Variants in AGBL4 observed in about 807,000 individuals in gnomAD.
AGBL4 encodes cytosolic carboxypeptidase 6.
In AGBL4, 58 loss-of-function variants were observed where a neutral mutation model predicts 66.4. The observed-to-expected ratio is 0.87, with a 90% CI of 0.71 to 1.09. The LOEUF (loss-of-function observed/expected upper bound fraction) is 1.09, where lower values mean the gene tolerates loss of function less well. Ranked by LOEUF, AGBL4 falls within the 50% of genes least tolerant of loss-of-function variation. AGBL4 has a pLI of 0.00. For missense variants in AGBL4, 579 were observed against 631.0 expected (o/e 0.92, Z 0.88); for synonymous variants, 234 against 222.9 (o/e 1.05, Z -0.44).
chr1:49,097,043 C>T (rs1220056197), intron 4 of AGBL4, among the ~76,000 whole-genome samples: 1 of 152,130 alleles, frequency 6.6e-6, no homozygotes, highest in African/African-American at 2.4e-5. Context: ...TCATAAGTCT[C>T]ATAGTAAACT....
At chr1:48,754,156 T>A (rs1247093128) in intron 6 of AGBL4, among the ~76,000 whole-genome samples, 1 of 152,174 alleles carries the variant, frequency 6.6e-6, no homozygotes, top group Non-Finnish European at 1.5e-5. Flanking sequence ...GAGGACACCG[T>A]AGCCTTGGAC....
At chr1:49,755,212 C>G (rs1651801257) in intron 2 of AGBL4, among the ~76,000 whole-genome samples, 1 of 152,126 alleles carries the variant, frequency 6.6e-6, no homozygotes, top group Non-Finnish European at 1.5e-5. Flanking sequence ...GCCAAGATAA[C>G]AGAAGAGTAG....
intron 5 of AGBL4, among the ~76,000 whole-genome samples, chr1:48,922,938 T>C (rs1045642776): frequency 2.6e-5 from 4 of 151,244 alleles, no homozygotes; most frequent in African/African-American, 7.3e-5. Context: ...TATATATACA[T>C]ACATATGCAA....
chr1:48,945,908 T>A (rs556253739), intron 5 of AGBL4, among the ~76,000 whole-genome samples: 2 of 152,308 alleles, frequency 1.3e-5, no homozygotes, highest in South Asian at 4.1e-4. Flanking sequence ...ATTATGAGAA[T>A]TCAATGAGTT....
chr1:49,754,492 C>A (rs117771589), intron 2 of AGBL4, among the ~76,000 whole-genome samples: 3 of 152,046 alleles, frequency 2.0e-5, no homozygotes, highest in Non-Finnish European at 4.4e-5. Flanking sequence ...CCACTCCAGG[C>A]CCTGTTTGCC....
intron 3 of AGBL4, among the ~76,000 whole-genome samples, chr1:49,299,657 A>T (rs1433859014): frequency 6.6e-6 from 1 of 152,132 alleles, no homozygotes; most frequent in East Asian, 1.9e-4. Context: ...AATAGCTAGG[A>T]CTTCCCATAC....
At chr1:49,687,144 T>C (rs1001296456) in intron 3 of AGBL4, among the ~76,000 whole-genome samples, 1 of 152,052 alleles carries the variant, frequency 6.6e-6, no homozygotes, top group African/African-American at 2.4e-5. Flanking sequence ...TGCAGTGGAG[T>C]GGCAAGGTTA....
intron 3 of AGBL4, among the ~76,000 whole-genome samples, chr1:49,651,403 T>A (rs1205197556): frequency 6.6e-6 from 1 of 152,054 alleles, no homozygotes; most frequent in South Asian, 2.1e-4. Flanking sequence ...CACCACCTAC[T>A]GGACTGAAGA....
intron 4 of AGBL4, among the ~76,000 whole-genome samples, chr1:49,120,661 G>C (rs193122859): frequency 6.6e-6 from 1 of 151,992 alleles, no homozygotes; most frequent in Non-Finnish European, 1.5e-5. Context: ...TTCAACCTTC[G>C]TGAAACTGAC....
intron 4 of AGBL4, 133 bp downstream of exon 4, chr1:49,245,637 T>C: frequency 1.7e-6 from 1 of 580,704 alleles, no homozygotes; most frequent in Non-Finnish European, 3.0e-6. Flanking sequence ...TAAACTAGAG[T>C]TCTGGGTAAA....
chr1:48,944,366 C>A (rs1424357890), intron 5 of AGBL4, among the ~76,000 whole-genome samples: 2 of 152,178 alleles, frequency 1.3e-5, no homozygotes, highest in Non-Finnish European at 2.9e-5. Flanking sequence ...TTCGCTCATA[C>A]ACTACTTGAA....
At chr1:49,251,896 A>G (rs1307031072) in intron 3 of AGBL4, among the ~76,000 whole-genome samples, 2 of 152,160 alleles carry the variant, frequency 1.3e-5, no homozygotes, top group African/African-American at 4.8e-5. Context: ...AGGTCATCAA[A>G]CAGGATAAAA....
intron 6 of AGBL4, 99 bp from the exon 7 acceptor site, chr1:48,663,340 G>A (rs989232646): frequency 2.7e-6 from 3 of 1,106,706 alleles, no homozygotes; most frequent in Non-Finnish European, 4.1e-6. Flanking sequence ...TGGGCTGGAT[G>A]TTTTACATTT....
intron 5 of AGBL4, among the ~76,000 whole-genome samples, chr1:48,927,413 C>A (rs1164568945): frequency 6.6e-6 from 1 of 152,070 alleles, no homozygotes; most frequent in East Asian, 1.9e-4. Flanking sequence ...GGAAGACCAA[C>A]CCTCATGATT....
At chr1:49,554,349 AG>A (rs1351279229) in intron 3 of AGBL4, among the ~76,000 whole-genome samples, 1 of 152,202 alleles carries the variant, frequency 6.6e-6, no homozygotes, top group Non-Finnish European at 1.5e-5. Context: ...TGAGTTTCTC[AG>A]GAAGAGCCTT....
At chr1:49,387,218 C>A (rs1015018765) in intron 3 of AGBL4, among the ~76,000 whole-genome samples, 1 of 151,736 alleles carries the variant, frequency 6.6e-6, no homozygotes, top group South Asian at 2.1e-4. Context: ...TTCCTTTCAC[C>A]TCTAAATTCT....
At chr1:49,937,370 G>T (rs1006544675) in intron 1 of AGBL4, among the ~76,000 whole-genome samples, 1 of 151,968 alleles carries the variant, frequency 6.6e-6, no homozygotes, top group Non-Finnish European at 1.5e-5. Context: ...AAGAGACTTA[G>T]ACTCCCACAC....
At chr1:48,843,403 G>C (rs1024669139) in intron 6 of AGBL4, among the ~76,000 whole-genome samples, 8 of 151,990 alleles carry the variant, frequency 5.3e-5, no homozygotes, top group African/African-American at 1.9e-4. Flanking sequence ...TTAAAATTAA[G>C]TTCAAAAGAT....
At chr1:49,074,400 C>T (rs1408964035) in intron 4 of AGBL4, among the ~76,000 whole-genome samples, 2 of 152,198 alleles carry the variant, frequency 1.3e-5, no homozygotes, top group African/African-American at 4.8e-5. Context: ...GGGCTGCATC[C>T]ACTGTCCAAC....
Sources: allele counts gnomAD v4.1 joint callset (sites outside exome capture counted in the v4.1 genomes callset), GRCh38; gene constraint gnomAD v4.1.1; transcripts MANE v1.5; gene names NCBI Gene and HGNC (gene_info 2026-07-23, HGNC 2026-07-21).